Variants in CSMD1 observed in about 807,000 individuals in gnomAD.
CSMD1 encodes CUB and Sushi multiple domains 1.
In CSMD1, 213 loss-of-function variants were observed where a neutral mutation model predicts 417.5. The observed-to-expected ratio is 0.51, with a 90% CI of 0.46 to 0.57. The LOEUF is 0.57. Ranked by LOEUF, CSMD1 falls within the 20% of genes least tolerant of loss-of-function variation. The pLI is 0.00. For synonymous variants in CSMD1, 2,862 were observed against 1,736.8 expected (o/e 1.65, Z -16.11); for missense variants, 6,923 against 4,529.7 (o/e 1.53, Z -15.17).
rs142941324 is a variant in CSMD1, at chr8:4,865,591, G to A, written c.85+128741C>T. Reference sequence around the variant, plus strand: ...GAATGCAATGATTCCAATTTCCACTGTTGCATACGCCTTTTCAGTTTCCAT... The same window carrying A: ...GAATGCAATGATTCCAATTTCCACTATTGCATACGCCTTTTCAGTTTCCAT... On this transcript the variant is annotated intron_variant, in intron 1 of 69. Coordinates refer to ENST00000635120, the MANE Select transcript of CSMD1 (RefSeq NM_033225.6). 1.4e-3 allele frequency among the ~76,000 whole-genome samples: 219 copies of A among 151,994 alleles called. 3 individuals carry two copies. The highest frequency in any genetic ancestry group is 5.1e-3 in the African/African-American group (212 of 41,490).
chr8:3,842,473 T>G (rs755445110), intron 5 of CSMD1, among the ~76,000 whole-genome samples: 1 of 152,168 alleles, frequency 6.6e-6, no homozygotes, highest in Non-Finnish European at 1.5e-5. Flanking sequence ...TGTTCATTAC[T>G]AGTATTAAAT....
chr8:3,007,720 G>A (rs1808054802), intron 52 of CSMD1, among the ~76,000 whole-genome samples: 3 of 146,552 alleles, frequency 2.0e-5, no homozygotes, highest in South Asian at 4.3e-4. Flanking sequence ...GAACTGAACA[G>A]TGAGATCACA....
chr8:4,053,438 G>A (rs754553461), intron 3 of CSMD1, among the ~76,000 whole-genome samples: 1 of 151,772 alleles, frequency 6.6e-6, no homozygotes, highest in Non-Finnish European at 1.5e-5. Context: ...TTTTATCATG[G>A]TCTCGGTGGG....
At chr8:3,993,673 C>G (rs1369475259) in intron 5 of CSMD1, among the ~76,000 whole-genome samples, 6 of 152,134 alleles carry the variant, frequency 3.9e-5, no homozygotes, top group African/African-American at 1.4e-4. Flanking sequence ...GAGCTTACAC[C>G]TTAAAAAATC....
At chr8:4,212,174 T>TTATATATATATATA (rs10682206) in intron 3 of CSMD1, among the ~76,000 whole-genome samples, 16 of 145,754 alleles carry the variant, frequency 1.1e-4, no homozygotes, top group African/African-American at 4.0e-4. Flanking sequence ...ACTTCCCTAT[T>TTATATATATATATA]TATATATATA....
intron 3 of CSMD1, among the ~76,000 whole-genome samples, chr8:4,232,387 C>T (rs750380054): frequency 2.6e-5 from 4 of 152,076 alleles, no homozygotes; most frequent in African/African-American, 7.2e-5. Flanking sequence ...TTAGTAGAGA[C>T]GGGGTTTCCC....
intron 12 of CSMD1, among the ~76,000 whole-genome samples, chr8:3,440,894 C>T (rs1814937839): frequency 6.6e-6 from 1 of 152,130 alleles, no homozygotes; most frequent in South Asian, 2.1e-4. Context: ...GATGGTGGCC[C>T]CCGATAACGA....
intron 1 of CSMD1, among the ~76,000 whole-genome samples, chr8:4,864,214 G>C (rs777115209): frequency 2.0e-5 from 3 of 151,816 alleles, no homozygotes; most frequent in Non-Finnish European, 4.4e-5. Flanking sequence ...TGAATTTCAA[G>C]TTGCTAGTAA....
chr8:4,834,965 A>AC (rs1432440605), intron 1 of CSMD1, among the ~76,000 whole-genome samples: 1 of 41,240 alleles, frequency 2.4e-5, no homozygotes, highest in East Asian at 1.4e-3. Context: ...TCAAAAAAAA[A>AC]AAAAAAAAAA....
At chr8:4,983,053 C>G (rs1298548022) in intron 1 of CSMD1, among the ~76,000 whole-genome samples, 1 of 151,970 alleles carries the variant, frequency 6.6e-6, no homozygotes, top group Non-Finnish European at 1.5e-5. Context: ...ATTATTGTCA[C>G]CAGAAGAAAA....
intron 2 of CSMD1, among the ~76,000 whole-genome samples, chr8:4,485,397 G>A (rs747587831): frequency 6.6e-6 from 1 of 152,134 alleles, no homozygotes; most frequent in Non-Finnish European, 1.5e-5. Flanking sequence ...CCCTACAGAC[G>A]GGGCCTGATA....
chr8:3,821,375 G>A (rs374424756), intron 5 of CSMD1, among the ~76,000 whole-genome samples: 12 of 152,176 alleles, frequency 7.9e-5, no homozygotes, highest in African/African-American at 2.9e-4. Context: ...GGCAGCGCAG[G>A]TTTGCATATG....
At chr8:4,309,789 C>A (rs1798455576) in intron 3 of CSMD1, among the ~76,000 whole-genome samples, 1 of 152,064 alleles carries the variant, frequency 6.6e-6, no homozygotes. Context: ...GCATAGAAAC[C>A]TCACCTCCAT....
chr8:3,085,717 A>G (rs908929612), intron 49 of CSMD1, among the ~76,000 whole-genome samples: 2 of 152,206 alleles, frequency 1.3e-5, no homozygotes, highest in Admixed American at 6.5e-5. Flanking sequence ...AAACCTATAT[A>G]TGTGACATCC....
At chr8:3,070,200 C>T (rs1813239909) in intron 49 of CSMD1, among the ~76,000 whole-genome samples, 1 of 152,216 alleles carries the variant, frequency 6.6e-6, no homozygotes, top group East Asian at 1.9e-4. Context: ...ACCTTCAAGG[C>T]CTTTTCCCCA....
intron 3 of CSMD1, among the ~76,000 whole-genome samples, chr8:4,326,939 G>C (rs1435585887): frequency 6.6e-6 from 1 of 152,154 alleles, no homozygotes; most frequent in Non-Finnish European, 1.5e-5. Flanking sequence ...CTCAAGGAAT[G>C]TCTACTTTGG....
At chr8:3,378,959 C>A (rs1585077444) in intron 18 of CSMD1, among the ~76,000 whole-genome samples, 1 of 152,318 alleles carries the variant, frequency 6.6e-6, no homozygotes, top group South Asian at 2.1e-4. Context: ...GTCAAATTGT[C>A]TCTGTTTGGA....
intron 2 of CSMD1, among the ~76,000 whole-genome samples, chr8:4,586,261 T>G (rs1464346580): frequency 6.6e-6 from 1 of 152,242 alleles, no homozygotes; most frequent in Admixed American, 6.5e-5. Context: ...TCTTATTCAT[T>G]CTGACTGTAT....
chr8:2,949,502 G>T, intron 67 of CSMD1, 116 bp from the exon 68 acceptor site: 1 of 475,548 alleles, frequency 2.1e-6, no homozygotes, highest in Non-Finnish European at 3.6e-6. Flanking sequence ...GATACTACTG[G>T]TTAAATGTTT....
Sources: allele counts gnomAD v4.1 joint callset (sites outside exome capture counted in the v4.1 genomes callset), GRCh38; gene constraint gnomAD v4.1.1; transcripts MANE v1.5; gene names NCBI Gene and HGNC (gene_info 2026-07-23, HGNC 2026-07-21).